ANKLE2: variants seen among roughly 807,000 people sequenced by gnomAD.
The protein encoded by ANKLE2 is ankyrin repeat and LEM domain-containing protein 2.
ANKLE2 carries 55 observed loss-of-function variants against 84.2 expected under a neutral mutation model. The ratio of observed to expected loss-of-function variants is 0.65; its 90% CI spans 0.53 to 0.82. ANKLE2 has a LOEUF of 0.82. Among genes scored for constraint, ANKLE2 ranks in the 40% least tolerant of loss-of-function variants. The probability of loss-of-function intolerance (pLI) is 0.00; values close to 1 mark genes in which losing one functional copy is unlikely to be tolerated. For missense variants in ANKLE2, 1,238 were observed against 1,201.9 expected (o/e 1.03, Z -0.44); for synonymous variants, 551 against 486.1 (o/e 1.13, Z -1.76).
rs376472793 is a variant in ANKLE2 at position 132,755,143 on chromosome 12, A to G, written c.182-10T>C. 4.4e-6 allele frequency: 7 copies of G among 1,581,920 alleles called. No homozygotes were observed. Among genetic ancestry groups the G allele is most frequent in the Admixed American group, 1.8e-5 (1 of 55,708 alleles). On this transcript the variant is annotated splice_polypyrimidine_tract_variant and intron_variant, in intron 1 of 12. Transcript: ENST00000357997. Reference sequence around the variant, plus strand: ...TCCATTGTCATTTCACCTAGGCCCAAGACAAAAAAATCAAAGAGTCACAAA... The same window carrying G: ...TCCATTGTCATTTCACCTAGGCCCAGGACAAAAAAATCAAAGAGTCACAAA...
At chr12:132,741,639 GAGTGTGGT>G in intron 6 of ANKLE2, 154 bp from the exon 7 acceptor site, 1 of 750,860 alleles carries the variant, frequency 1.3e-6, no homozygotes, top group Non-Finnish European at 2.2e-6. Context: ...AACGTGTGAA[GAGTGTGGT>G]CTTTCTAAAA....
At chr12:132,744,514 TC>T (rs978814382) in intron 5 of ANKLE2, among the ~76,000 whole-genome samples, 1 of 152,052 alleles carries the variant, frequency 6.6e-6, no homozygotes, top group African/African-American at 2.4e-5. Context: ...CCCGCAAATG[TC>T]CTCCTACAGC....
rs1005320475 is a variant in ANKLE2, at chr12:132,726,379, G to A, written c.*863C>T. On this transcript the variant is annotated 3_prime_UTR_variant, in exon 13 of 13. Transcript: ENST00000357997. ...CAACTGAAATGAGTTCCAAAATAAC[G>A]GATACCTTTATCGTATAATCATTTA... The A allele has an allele frequency of 1.3e-5, 2 of 152,194 alleles. No individual in the cohort carries two copies. Among genetic ancestry groups the A allele is most frequent in the African/African-American group, 2.4e-5 (1 of 41,414 alleles). 9.4% of individuals were successfully genotyped at this position (152,194 alleles called of 1,614,324 possible). A position where few individuals can be genotyped will look rare whatever the true frequency, so the allele number is the denominator to read the frequency against.
Position 132,743,367 on chromosome 12 carries a change from T to C in ANKLE2, c.1231-91A>G, listed in dbSNP as rs2044169765. 3 of 1,430,718 alleles carry C rather than the reference T, an allele frequency of 2.1e-6. No individual in the cohort carries two copies. Among genetic ancestry groups the C allele is most frequent in the East Asian group, 5.1e-5 (2 of 39,358 alleles). The allele number at this position is 1,430,718 out of a possible 1,614,324, so 88.6% of individuals were successfully genotyped here. A position where few individuals can be genotyped will look rare whatever the true frequency, so the allele number is the denominator to read the frequency against. The stretch of plus-strand genomic sequence containing the variant: ...AATACATATTCATTCATTCATTCAT[T>C]CATTTATTTATTTTGAGACGGAGTC... On this transcript the variant is annotated intron_variant, in intron 5 of 12. Coordinates refer to ENST00000357997, the MANE Select transcript of ANKLE2 (RefSeq NM_015114.3). This position sits in a 1 kb window ranked among gnomAD's most constrained non-coding sequence, Gnocchi z 4.1.
intron 7 of ANKLE2, among the ~76,000 whole-genome samples, chr12:132,740,687 A>G (rs1286266393): frequency 1.3e-5 from 2 of 152,148 alleles, no homozygotes; most frequent in African/African-American, 4.8e-5. Flanking sequence ...CACTGAAAAC[A>G]GAGGAAGATG....
intron 1 of ANKLE2, chr12:132,758,007 G>A (rs916803918): frequency 1.3e-4 from 19 of 150,916 alleles, no homozygotes; most frequent in Admixed American, 4.0e-4. Flanking sequence ...AAAAAGAACA[G>A]CCACAGATAT....
At chr12:132,735,375 C>T in intron 9 of ANKLE2, 31 bp downstream of exon 9, 1 of 1,584,030 alleles carries the variant, frequency 6.3e-7, no homozygotes, top group Non-Finnish European at 8.7e-7. Flanking sequence ...AACTGTGTGC[C>T]CCACGCTGCT....
At chr12:132,733,049 A>G (rs1229086366) in intron 10 of ANKLE2, among the ~76,000 whole-genome samples, 5 of 131,424 alleles carry the variant, frequency 3.8e-5, no homozygotes, top group African/African-American at 1.5e-4. Context: ...TCTGATATGC[A>G]CCGTGAAGCG....
chr12:132,727,079 T>C lies in ANKLE2; in HGVS notation c.*163A>G. On this transcript the variant is annotated 3_prime_UTR_variant, in exon 13 of 13. Transcript: ENST00000357997. ...CTAACTTCTTCCAAAATATCAGAAA[T>C]CTAAGTGTTATATAGAACATTTAAA... The C allele has an allele frequency of 1.4e-6, 1 of 709,124 alleles. No homozygotes were observed. 43.9% of individuals were successfully genotyped at this position (709,124 alleles called of 1,614,324 possible).
intron 12 of ANKLE2, 130 bp downstream of exon 12, chr12:132,727,902 C>T: frequency 7.6e-7 from 1 of 1,320,226 alleles, no homozygotes; most frequent in Non-Finnish European, 1.0e-6. Flanking sequence ...ACACCCAAAT[C>T]CACAGCCTGG....
rs764714440 is a variant in ANKLE2 at position 132,734,580 on chromosome 12, A to G, written c.1701-5T>C. ...CCCAGCTCATGAGCTAGCTCCCTGT[A>G]AGAAACAAAACACAATTAACCAGCT... On this transcript the variant is annotated splice_polypyrimidine_tract_variant and splice_region_variant and intron_variant, in intron 9 of 12. Coordinates refer to ENST00000357997, the MANE Select transcript of ANKLE2 (RefSeq NM_015114.3). 1 of 1,600,004 alleles carries G rather than the reference A, an allele frequency of 6.2e-7. No homozygotes were observed. The highest frequency in any genetic ancestry group is 8.5e-7 in the Non-Finnish European group (1 of 1,174,524).
At position 132,726,891 on chromosome 12, in the gene ANKLE2, G is replaced by A. The variant is rs2043709688; in HGVS notation, c.*351C>T. 2 of 217,442 alleles carry A rather than the reference G, an allele frequency of 9.2e-6. No homozygotes were observed. The highest frequency in any genetic ancestry group is 3.0e-4 in the South Asian group (2 of 6,600). 13.5% of individuals were successfully genotyped at this position (217,442 alleles called of 1,614,324 possible). A position where few individuals can be genotyped will look rare whatever the true frequency, so the allele number is the denominator to read the frequency against. The stretch of plus-strand genomic sequence containing the variant: ...CCCTCCTCATCCACAGCGTCTGTCG[G>A]ATGAGGTGAGTACAGGGTAAGTACA... On this transcript the variant is annotated 3_prime_UTR_variant, in exon 13 of 13. Coordinates refer to ENST00000357997, the MANE Select transcript of ANKLE2 (RefSeq NM_015114.3).
In ANKLE2 at chr12:132,747,966, T is replaced by G; in HGVS notation, c.1096A>C (p.Ile366Leu). ...HVAAKENQAS[I>L]CQLTLDVLEN... ...AGGACGTCCAGAGTCAGCTGGCAGA[T>G]GGAAGCCTGGTTCTCTTTGGCAGCA... Residue 366 changes from isoleucine (I) to leucine (L), a missense_variant, in exon 5 of 13, where the codon ATC becomes CTC. Physicochemically the swap from Ile to Leu is conservative, Grantham distance 5. Around this residue, in one of 3 missense-constraint regions of ANKLE2, gnomAD observed 802 missense variants for 774.5 expected, o/e 1.04. Transcript: ENST00000357997. 6.3e-7 allele frequency: 1 copy of G among 1,598,630 alleles called. No homozygotes were observed. The highest frequency in any genetic ancestry group is 8.5e-7 in the Non-Finnish European group (1 of 1,176,210).
chr12:132,736,757 T>G, intron 8 of ANKLE2, 136 bp downstream of exon 8: 1 of 1,047,030 alleles, frequency 9.6e-7, no homozygotes, highest in Non-Finnish European at 1.4e-6. Context: ...TGGTGGATGG[T>G]TTGAGATGAG....
At chr12:132,752,799 T>A (rs1217221906) in intron 2 of ANKLE2, among the ~76,000 whole-genome samples, 2 of 152,318 alleles carry the variant, frequency 1.3e-5, no homozygotes, top group East Asian at 3.9e-4. Flanking sequence ...CAGTGTGCAA[T>A]TTCTGGCATC....
chr12:132,759,397 T>C (rs2044565946), intron 1 of ANKLE2: 1 of 152,172 alleles, frequency 6.6e-6, no homozygotes, highest in Non-Finnish European at 1.5e-5. Context: ...AGCTCAGGAA[T>C]GCAGGGCAGG....
chr12:132,741,482 T>C lies in ANKLE2; in HGVS notation c.1357A>G (p.Ile453Val). 1 of 1,614,152 alleles carries C rather than the reference T, an allele frequency of 6.2e-7. No individual in the cohort carries two copies. The highest frequency in any genetic ancestry group is 8.5e-7 in the Non-Finnish European group (1 of 1,179,956). The change falls in exon 7 of 13, where the codon ATT (isoleucine) becomes GTT (valine). Residue 453 changes from isoleucine to valine, a missense_variant. By Grantham distance (29) the Ile-to-Val change is conservative (BLOSUM62 3). This residue lies in a region of ANKLE2 where 802 missense variants were observed against 774.5 expected (regional missense o/e 1.04). Transcript: ENST00000357997. ...NKYDKTPEDV[I>V]CERSKNKSVE... ...GATTTATTTTTGCTTCTTTCACAAA[T>C]TACCTATTGGAAAAAAAAGTGTGTC...
intron 7 of ANKLE2, among the ~76,000 whole-genome samples, chr12:132,739,318 C>T (rs2044075902): frequency 6.6e-6 from 1 of 152,136 alleles, no homozygotes; most frequent in Non-Finnish European, 1.5e-5. Context: ...GAAGAATTTC[C>T]ATTCAAGAGT....
At chr12:132,753,590 C>A (rs2044407907) in intron 2 of ANKLE2, among the ~76,000 whole-genome samples, 1 of 152,028 alleles carries the variant, frequency 6.6e-6, no homozygotes, top group African/African-American at 2.4e-5. Context: ...ATCGCGAAAC[C>A]TTGTCTCTAC....
Sources: gnomAD v4.1 joint callset for allele counts (sites outside exome capture counted in the v4.1 genomes callset) on GRCh38, gnomAD v4.1.1 for gene constraint, gnomAD v4.1.1 regional missense constraint, Gnocchi (gnomAD v3.1) non-coding constraint, MANE v1.5 for transcripts, NCBI Gene and HGNC (gene_info 2026-07-23, HGNC 2026-07-21) for gene names.